Variants in NDST4 observed in about 807,000 individuals in gnomAD.
NDST4 encodes the protein N-heparan sulfate sulfotransferase 4.
NDST4 carries 63 observed loss-of-function variants against 100.8 expected under a neutral mutation model. The observed-to-expected ratio is 0.62, with a 90% CI of 0.51 to 0.77. The LOEUF (loss-of-function observed/expected upper bound fraction) is 0.77. Ranked by LOEUF, NDST4 falls within the 30% of genes least tolerant of loss-of-function variation. The probability of loss-of-function intolerance (pLI) is 0.00; values close to 1 mark genes in which losing one functional copy is unlikely to be tolerated. For missense variants in NDST4, 943 were observed against 1,018.4 expected (o/e 0.93, Z 1.01); for synonymous variants, 377 against 361.8 (o/e 1.04, Z -0.48).
At chr4:114,985,962 C>A (rs1461118905) in intron 2 of NDST4, among the ~76,000 whole-genome samples, 1 of 152,052 alleles carries the variant, frequency 6.6e-6, no homozygotes, top group South Asian at 2.1e-4. Flanking sequence ...AACTTAGCGT[C>A]GTTAATTTCA....
At chr4:114,848,395 T>G in intron 8 of NDST4, 57 bp from the exon 9 acceptor site, 1 of 1,320,252 alleles carries the variant, frequency 7.6e-7, no homozygotes, top group Non-Finnish European at 1.0e-6. Flanking sequence ...AAATATTATT[T>G]TAGCATATTT....
At chr4:114,859,950 C>A (rs528680417) in intron 7 of NDST4, among the ~76,000 whole-genome samples, 1 of 152,290 alleles carries the variant, frequency 6.6e-6, no homozygotes, top group East Asian at 1.9e-4. Flanking sequence ...AATGGCTATT[C>A]ATATTCATAC....
chr4:115,064,004 A>G (rs948439358), intron 2 of NDST4, among the ~76,000 whole-genome samples: 2 of 152,016 alleles, frequency 1.3e-5, no homozygotes, highest in Non-Finnish European at 2.9e-5. Flanking sequence ...TAAAGTAACC[A>G]AAGTCAGCAC....
chr4:115,055,055 C>T (rs768332631), intron 2 of NDST4, among the ~76,000 whole-genome samples: 1 of 152,008 alleles, frequency 6.6e-6, no homozygotes, highest in African/African-American at 2.4e-5. Context: ...TCTGCCAGAT[C>T]AGTGGCAGCC....
chr4:114,859,928 A>T (rs546212196), intron 7 of NDST4, among the ~76,000 whole-genome samples: 1 of 152,348 alleles, frequency 6.6e-6, no homozygotes, highest in Admixed American at 6.5e-5. Context: ...TCTAGGGAAC[A>T]CTACCTATGG....
At chr4:114,846,108 T>C in intron 9 of NDST4, 111 bp from the exon 10 acceptor site, 1 of 834,592 alleles carries the variant, frequency 1.2e-6, no homozygotes, top group Non-Finnish European at 1.8e-6. Context: ...TTTCTGATTA[T>C]TATGCTGTTA....
chr4:114,999,261 A>C (rs1727230958), intron 2 of NDST4, among the ~76,000 whole-genome samples: 1 of 152,186 alleles, frequency 6.6e-6, no homozygotes, highest in East Asian at 1.9e-4. Context: ...AATCATAAGC[A>C]GTCTTGCTTC....
At position 115,076,587 on chromosome 4, in the gene NDST4, T is replaced by C; in HGVS notation, c.450A>G (p.Leu150=). The change falls in exon 2 of 14, where the codon TTA becomes TTG. Residue 150 remains leucine, a synonymous_variant. Transcript: ENST00000264363. The part of the protein sequence containing the change: ...VSMDSWNREL[L]EKYCVEYSVS... ...CACTGTATTCCACACAGTATTTTTC[T>C]AAAAGCTCTCGATTCCATGAGTCCA... The C allele has an allele frequency of 6.2e-7, 1 of 1,613,990 alleles. No individual in the cohort carries two copies. The highest frequency in any genetic ancestry group is 8.5e-7 in the Non-Finnish European group (1 of 1,179,942).
intron 2 of NDST4, among the ~76,000 whole-genome samples, chr4:115,054,242 A>G (rs1293033246): frequency 6.6e-6 from 1 of 151,966 alleles, no homozygotes; most frequent in East Asian, 1.9e-4. Context: ...AAGAAACAGA[A>G]CTCCTGTATC....
intron 2 of NDST4, among the ~76,000 whole-genome samples, chr4:115,026,650 G>T (rs939535271): frequency 1.3e-4 from 19 of 147,270 alleles, no homozygotes; most frequent in Non-Finnish European, 2.1e-4. Context: ...GTCTTTTTTT[G>T]CTCAACATTT....
intron 7 of NDST4, 83 bp downstream of exon 7, chr4:114,870,685 C>T (rs1724128448): frequency 6.8e-6 from 8 of 1,176,308 alleles, no homozygotes; most frequent in Non-Finnish European, 9.5e-6. Flanking sequence ...TTAATATGTC[C>T]AGCAGAGTGC....
At chr4:115,083,520 T>C (rs547048108) in intron 1 of NDST4, among the ~76,000 whole-genome samples, 1 of 152,280 alleles carries the variant, frequency 6.6e-6, no homozygotes, top group African/African-American at 2.4e-5. Flanking sequence ...TATTTGTTCA[T>C]ATACATTAAC....
intron 2 of NDST4, among the ~76,000 whole-genome samples, chr4:115,025,119 C>T (rs530029086): frequency 9.7e-6 from 1 of 103,300 alleles, no homozygotes; most frequent in East Asian, 3.4e-4. Flanking sequence ...TCTTGTTATT[C>T]TGTAATAGCA....
rs138744896 is a variant in NDST4, at chr4:115,103,229, T to A, written c.-247+10215A>T. 1.4e-4 allele frequency among the ~76,000 whole-genome samples: 21 copies of A among 152,284 alleles called. No individual in the cohort carries two copies. The East Asian group carries it at 3.9e-3, about 28-fold the overall frequency. ...AAATAAACTCTTTCTAAATTGTCACTTTAAATCTATAATACAAAAAGCTAT... is the reference window on the plus strand; with the variant it reads ...AAATAAACTCTTTCTAAATTGTCACATTAAATCTATAATACAAAAAGCTAT... On this transcript the variant is annotated intron_variant, in intron 1 of 13. Transcript: ENST00000264363.
At chr4:114,899,661 G>A (rs376612436) in intron 6 of NDST4, among the ~76,000 whole-genome samples, 30 of 152,190 alleles carry the variant, frequency 2.0e-4, no homozygotes, top group African/African-American at 7.0e-4. Context: ...TTCCAATGAT[G>A]AGCCAGCATT....
At chr4:115,047,764 C>G (rs184900194) in intron 2 of NDST4, among the ~76,000 whole-genome samples, 1 of 152,132 alleles carries the variant, frequency 6.6e-6, no homozygotes, top group East Asian at 1.9e-4. Context: ...TCTTAGATCT[C>G]CATTGTTTTG....
At chr4:115,033,997 T>C (rs1302403335) in intron 2 of NDST4, among the ~76,000 whole-genome samples, 1 of 152,138 alleles carries the variant, frequency 6.6e-6, no homozygotes, top group Non-Finnish European at 1.5e-5. Flanking sequence ...CAATGTTTAA[T>C]ATTATGTGCT....
chr4:114,857,414 G>A (rs1578346808), intron 7 of NDST4, among the ~76,000 whole-genome samples: 1 of 152,252 alleles, frequency 6.6e-6, no homozygotes, highest in African/African-American at 2.4e-5. Flanking sequence ...TGGGATCAGT[G>A]TCAGGCTGAT....
intron 10 of NDST4, among the ~76,000 whole-genome samples, chr4:114,844,525 A>G (rs1723502753): frequency 6.6e-6 from 1 of 152,104 alleles, no homozygotes; most frequent in Non-Finnish European, 1.5e-5. Flanking sequence ...CCTTTCTTCT[A>G]TTCTCACTCA....
Sources: allele counts gnomAD v4.1 joint callset (sites outside exome capture counted in the v4.1 genomes callset), GRCh38; gene constraint gnomAD v4.1.1; transcripts MANE v1.5; gene names NCBI Gene and HGNC (gene_info 2026-07-23, HGNC 2026-07-21).